Variants in VAT1L observed in about 807,000 individuals in gnomAD.
VAT1L encodes the protein putative NADPH-dependent quinone oxidoreductase VAT1L.
In VAT1L, 34 loss-of-function variants were observed where a neutral mutation model predicts 44.1. The ratio of observed to expected loss-of-function variants is 0.77; its 90% CI spans 0.59 to 1.03. The LOEUF is 1.03. VAT1L is among the 50% of genes least tolerant of loss of function. VAT1L has a pLI of 0.00. For missense variants in VAT1L, 615 were observed against 538.8 expected, an observed-to-expected ratio of 1.14 and a Z score of -1.40; for synonymous variants, 253 against 202.2, an observed-to-expected ratio of 1.25 and a Z score of -2.13.
intron 7 of VAT1L, among the ~76,000 whole-genome samples, chr16:77,912,988 G>A (rs182552015): frequency 3.9e-4 from 60 of 151,960 alleles, no homozygotes; most frequent in Admixed American, 2.7e-3. Flanking sequence ...TAAACTTAAC[G>A]CCCTCCCAAA....
intron 3 of VAT1L, among the ~76,000 whole-genome samples, chr16:77,828,913 T>G (rs1301804191): frequency 6.6e-6 from 1 of 152,132 alleles, no homozygotes; most frequent in African/African-American, 2.4e-5. Flanking sequence ...CTCTAGCAAT[T>G]TAATATCCCA....
chr16:77,830,731 TGGA>T (rs1347317368), intron 3 of VAT1L, among the ~76,000 whole-genome samples: 1 of 152,202 alleles, frequency 6.6e-6, no homozygotes. Flanking sequence ...TCTCTCAGGC[TGGA>T]GGGCTGTGGC....
chr16:77,907,895 G>A (rs929448332), intron 7 of VAT1L, among the ~76,000 whole-genome samples: 1 of 152,150 alleles, frequency 6.6e-6, no homozygotes, highest in Non-Finnish European at 1.5e-5. Context: ...CATAATAAAA[G>A]CAGAGAGTAG....
chr16:77,950,868 A>C (rs2018033953), intron 7 of VAT1L, among the ~76,000 whole-genome samples: 1 of 152,224 alleles, frequency 6.6e-6, no homozygotes, highest in Admixed American at 6.5e-5. Flanking sequence ...TATCACTGGT[A>C]ATCAAATAAT....
intron 7 of VAT1L, among the ~76,000 whole-genome samples, chr16:77,926,905 C>T (rs2017675608): frequency 6.6e-6 from 1 of 152,092 alleles, no homozygotes; most frequent in Admixed American, 6.6e-5. Context: ...ATCGTGGCTA[C>T]CCCTGAAGTT....
chr16:77,874,436 G>C (rs1456239243), intron 4 of VAT1L, among the ~76,000 whole-genome samples: 2 of 149,568 alleles, frequency 1.3e-5, no homozygotes, highest in African/African-American at 2.5e-5. Context: ...GAGTCCATGA[G>C]GTCCAACTCC....
At chr16:77,976,786 G>A (rs957538715) in intron 8 of VAT1L, among the ~76,000 whole-genome samples, 33 of 152,218 alleles carry the variant, frequency 2.2e-4, no homozygotes, top group Non-Finnish European at 3.7e-4. Context: ...TAATGATGGC[G>A]GAAATGAAGA....
At chr16:77,881,698 G>T (rs192807975) in intron 6 of VAT1L, among the ~76,000 whole-genome samples, 1 of 152,134 alleles carries the variant, frequency 6.6e-6, no homozygotes, top group Non-Finnish European at 1.5e-5. Flanking sequence ...TTTAAAATAT[G>T]GGTCAAGGAT....
intron 7 of VAT1L, among the ~76,000 whole-genome samples, chr16:77,969,350 T>C (rs1453746858): frequency 2.6e-5 from 4 of 151,914 alleles, no homozygotes; most frequent in African/African-American, 9.7e-5. Context: ...CTGGTTCAAA[T>C]GCCTCTGACA....
intron 1 of VAT1L, among the ~76,000 whole-genome samples, chr16:77,805,195 C>G (rs1018111891): frequency 1.3e-5 from 2 of 152,196 alleles, no homozygotes; most frequent in Non-Finnish European, 2.9e-5. Flanking sequence ...CAAATAAGAG[C>G]TGCCATCTGA....
chr16:77,974,013 G>A (rs907693990), intron 8 of VAT1L, among the ~76,000 whole-genome samples: 2 of 152,124 alleles, frequency 1.3e-5, no homozygotes, highest in African/African-American at 2.4e-5. Flanking sequence ...CACCGCACCC[G>A]GCCAGGAGTG....
At chr16:77,936,549 G>A (rs1345325195) in intron 7 of VAT1L, among the ~76,000 whole-genome samples, 1 of 152,106 alleles carries the variant, frequency 6.6e-6, no homozygotes, top group Non-Finnish European at 1.5e-5. Context: ...GCTTGCAGAC[G>A]ATTCGAAGAG....
intron 2 of VAT1L, among the ~76,000 whole-genome samples, chr16:77,817,467 A>T (rs1405108269): frequency 6.6e-6 from 1 of 152,228 alleles, no homozygotes; most frequent in Admixed American, 6.5e-5. Context: ...GGCTCCCTCA[A>T]ATAGTCACTT....
At chr16:77,887,558 CT>C in intron 7 of VAT1L, among the ~76,000 whole-genome samples, 1 of 152,262 alleles carries the variant, frequency 6.6e-6, no homozygotes, top group Non-Finnish European at 1.5e-5. Context: ...GGCAGCAAGA[CT>C]CATCTCCAAC....
intron 3 of VAT1L, among the ~76,000 whole-genome samples, chr16:77,837,931 T>C (rs1001922743): frequency 6.6e-6 from 1 of 152,194 alleles, no homozygotes; most frequent in South Asian, 2.1e-4. Context: ...CAGCGATACT[T>C]TGGCATTTAC....
intron 1 of VAT1L, among the ~76,000 whole-genome samples, chr16:77,802,615 AACACACACACACACACACACACACACAC>A (rs57906062): frequency 1.2e-4 from 13 of 111,972 alleles, no homozygotes; most frequent in African/African-American, 3.2e-4. Context: ...CCCCATCTCA[AACACACACACACACACACACACACACAC>A]ACACACACAC....
Position 77,892,827 on chromosome 16 carries a change from T to C in VAT1L, c.1077+8025T>C. On this transcript the variant is annotated intron_variant, in intron 7 of 8. Transcript: ENST00000302536. The stretch of plus-strand genomic sequence containing the variant: ...GTCTTTGACAAGGTGAAAGAAGGCA[T>C]GAATATTGTGGAGGCCATGGAGTGC... 1.1e-5 allele frequency: 9 copies of C among 843,980 alleles called. 1 individual carries two copies. The Admixed American group carries it at 1.5e-4, about 14-fold the overall frequency. 52.3% of individuals were successfully genotyped at this position (843,980 alleles called of 1,614,324 possible). A position where few individuals can be genotyped will look rare whatever the true frequency, so the allele number is the denominator to read the frequency against.
intron 7 of VAT1L, among the ~76,000 whole-genome samples, chr16:77,931,378 C>T (rs1008785050): frequency 6.6e-6 from 1 of 152,106 alleles, no homozygotes; most frequent in Non-Finnish European, 1.5e-5. Flanking sequence ...AATTTTACCT[C>T]TGGGAAACAA....
intron 7 of VAT1L, among the ~76,000 whole-genome samples, chr16:77,902,730 G>GTT (rs1229914434): frequency 8.2e-5 from 5 of 60,646 alleles, no homozygotes; most frequent in East Asian, 1.4e-3. Flanking sequence ...CCGATGGGGG[G>GTT]GTGGGGGGGG....
Sources: gnomAD v4.1 joint callset for allele counts (sites outside exome capture counted in the v4.1 genomes callset) on GRCh38, gnomAD v4.1.1 for gene constraint, MANE v1.5 for transcripts, NCBI Gene and HGNC (gene_info 2026-07-23, HGNC 2026-07-21) for gene names.